The following SLC17A6 variants were observed in gnomAD, a reference collection of about 807,000 sequenced individuals.
SLC17A6 encodes the protein solute carrier family 17 member 6, also known as vesicular glutamate transporter 2.
SLC17A6 carries 35 observed loss-of-function variants against 67.1 expected under a neutral mutation model. The ratio of observed to expected loss-of-function variants is 0.52; its 90% confidence interval spans 0.40 to 0.69. The LOEUF is 0.69. SLC17A6 is among the 30% of genes least tolerant of loss of function. The pLI is 0.00. For missense variants in SLC17A6, 588 were observed against 723.9 expected (o/e 0.81, Z 2.15); for synonymous variants, 285 against 252.3 (o/e 1.13, Z -1.23).
chr11:22,344,565 A>C (rs1855854466), intron 3 of SLC17A6, among the ~76,000 whole-genome samples: 1 of 152,196 alleles, frequency 6.6e-6, no homozygotes, highest in African/African-American at 2.4e-5. Flanking sequence ...GGAGAGTGCC[A>C]TACATTAGGA....
At chr11:22,339,151 AGTTATATATATATGT>A (rs1474340398) in intron 1 of SLC17A6, among the ~76,000 whole-genome samples, 1 of 29,796 alleles carries the variant, frequency 3.4e-5, no homozygotes, top group African/African-American at 1.8e-4. Flanking sequence ...TGTTATATAT[AGTTATATATATATGT>A]TATATATATA....
chr11:22,358,881 G>T (rs1238461518), intron 3 of SLC17A6, among the ~76,000 whole-genome samples: 1 of 152,110 alleles, frequency 6.6e-6, no homozygotes, highest in Non-Finnish European at 1.5e-5. Context: ...TTTAAAATAC[G>T]AGTTCATTTA....
chr11:22,360,830 G>A, intron 4 of SLC17A6, 67 bp from the exon 5 acceptor site: 2 of 1,394,112 alleles, frequency 1.4e-6, no homozygotes, highest in Non-Finnish European at 2.0e-6. Flanking sequence ...GGGAGGATTT[G>A]TACAGGATAC....
At chr11:22,371,988 G>A (rs11026536) in intron 8 of SLC17A6, among the ~76,000 whole-genome samples, 29,514 of 151,656 alleles carry the variant, frequency 0.19, 2,987 homozygotes, top group East Asian at 0.24. Flanking sequence ...AATAATTATC[G>A]GCTTCAATTT....
chr11:22,353,458 AAGTAATGACAACTT>A (rs542845791), intron 3 of SLC17A6, among the ~76,000 whole-genome samples: 169 of 152,360 alleles, frequency 1.1e-3, no homozygotes, highest in Admixed American at 1.7e-3. Context: ...AAAAGAATTT[AAGTAATGACAACTT>A]GCTCAAAGTC....
At chr11:22,352,910 T>TTCAA (rs1216117070) in intron 3 of SLC17A6, among the ~76,000 whole-genome samples, 1 of 152,200 alleles carries the variant, frequency 6.6e-6, no homozygotes, top group African/African-American at 2.4e-5. Flanking sequence ...GCTGATGCAT[T>TTCAA]TCAATCAATT....
intron 3 of SLC17A6, among the ~76,000 whole-genome samples, chr11:22,354,570 CCATCTTTCAATAAAATTTT>C (rs1364391779): frequency 1.3e-5 from 2 of 152,166 alleles, no homozygotes; most frequent in Non-Finnish European, 2.9e-5. Context: ...CTACTACCAT[CCATCTTTCAATAAAATTTT>C]CATCTTTCAA....
At chr11:22,357,090 T>G (rs2133867575) in intron 3 of SLC17A6, among the ~76,000 whole-genome samples, 1 of 152,244 alleles carries the variant, frequency 6.6e-6, no homozygotes, top group South Asian at 2.1e-4. Context: ...ACTCATTGGG[T>G]TTTAAATAAA....
chr11:22,351,541 G>T (rs1855938984), intron 3 of SLC17A6, among the ~76,000 whole-genome samples: 1 of 152,114 alleles, frequency 6.6e-6, no homozygotes, highest in African/African-American at 2.4e-5. Context: ...ATGAGGCAGA[G>T]CTGGGTTATG....
Position 22,359,514 on chromosome 11 carries a change from AG to A in SLC17A6, c.563del (p.Gly188AspfsTer6). 1 of 1,593,016 alleles carries A rather than the reference AG, an allele frequency of 6.3e-7. No individual in the cohort carries two copies. The highest frequency in any genetic ancestry group is 8.6e-7 in the Non-Finnish European group (1 of 1,169,070). On this transcript the variant is annotated frameshift_variant, in exon 4 of 12. Coordinates refer to ENST00000263160, the MANE Select transcript of SLC17A6 (RefSeq NM_020346.3). LOFTEE classifies it high-confidence loss of function. Reference sequence around the variant, plus strand: ...TGTGTCATCTTTGTCAGAATACTGCAGGGACTTGTTGAGGTATGTAACTTCA... The same window carrying A: ...TGTGTCATCTTTGTCAGAATACTGCAGGACTTGTTGAGGTATGTAACTTCA... ...YGCVIFVRIL[Q>X]GLVEGVTYPA... is the part of the protein sequence containing the mutation.
chr11:22,377,697 T>C lies in SLC17A6; in HGVS notation c.1706T>C (p.Val569Ala). 1.9e-6 allele frequency: 3 copies of C among 1,608,354 alleles called. No homozygotes were observed. The highest frequency in any genetic ancestry group is 2.5e-6 in the Non-Finnish European group (3 of 1,177,922). The part of the protein sequence containing the change: ...EKKEEFVQGE[V>A]QDSHSYKDRV... ...AAAGAGGAATTTGTACAAGGAGAAG[T>C]ACAAGACTCACATAGCTATAAGGAC... The change falls in exon 12 of 12, where the codon GTA (valine) becomes GCA (alanine). Residue 569 changes from valine to alanine, a missense_variant. This residue lies in a region of SLC17A6 where 414 missense variants were observed against 563.4 expected (regional missense o/e 0.73). Transcript: ENST00000263160.
In SLC17A6 at chr11:22,343,268, C is replaced by T. The variant is rs752825858; in HGVS notation, c.361C>T (p.Pro121Ser). 1.8e-5 allele frequency: 29 copies of T among 1,613,644 alleles called. No homozygotes were observed. Among genetic ancestry groups the T allele is most frequent in the African/African-American group, 2.7e-5 (2 of 74,998 alleles). Residue 121 changes from proline to serine, a missense_variant, in exon 3 of 12, where the codon CCG becomes TCG. Physicochemically the swap from Pro to Ser is moderately conservative, Grantham distance 74. Transcript: ENST00000263160. ...ATAGAAAGCCAAATTCAACTGGGAC[C>T]CGGAAACCGTGGGGATGATCCACGG... is the stretch of plus-strand genomic sequence containing the variant. ...IKEKAKFNWDPETVGMIHGSF... is the reference protein window; with the variant it reads ...IKEKAKFNWDSETVGMIHGSF...
intron 3 of SLC17A6, among the ~76,000 whole-genome samples, chr11:22,351,354 C>T (rs992648112): frequency 3.3e-5 from 5 of 151,944 alleles, no homozygotes; most frequent in African/African-American, 1.2e-4. Context: ...ATAATTATAT[C>T]TAAGAGATAA....
chr11:22,339,157 A>ATATATATGTTTTT lies in SLC17A6; in HGVS notation c.86+548_86+549insTTTTATATATGTT, dbSNP rs1855780273. 3.9e-4 allele frequency among the ~76,000 whole-genome samples: 13 copies of ATATATATGTTTTT among 32,978 alleles called. 1 individual carries two copies. The highest frequency in any genetic ancestry group is 1.2e-3 in the Admixed American group (3 of 2,438). The allele number at this position is 32,978 out of a possible 152,430, so 21.6% of individuals were successfully genotyped here. On this transcript the variant is annotated intron_variant, in intron 1 of 11. Transcript: ENST00000263160. ...ATATATATATGTTATATATAGTTAT[A>ATATATATGTTTTT]TATATATGTTATATATATATGTTTT...
At chr11:22,350,296 A>G (rs1855923946) in intron 3 of SLC17A6, among the ~76,000 whole-genome samples, 1 of 152,176 alleles carries the variant, frequency 6.6e-6, no homozygotes, top group African/African-American at 2.4e-5. Flanking sequence ...GCCATTTAAG[A>G]ACATCAATGT....
intron 1 of SLC17A6, among the ~76,000 whole-genome samples, 193 bp downstream of exon 1, chr11:22,338,812 G>GGTGTGTGT (rs3047441): frequency 0.028 from 3,850 of 136,272 alleles, 176 homozygotes; most frequent in African/African-American, 0.098. Context: ...GAACCTGTCT[G>GGTGTGTGT]GTGTGTGTGT....
At chr11:22,353,399 A>T (rs906421033) in intron 3 of SLC17A6, among the ~76,000 whole-genome samples, 1 of 152,216 alleles carries the variant, frequency 6.6e-6, no homozygotes, top group Non-Finnish European at 1.5e-5. Context: ...AACTAATACT[A>T]TATCATACTA....
rs1590377860 is a variant in SLC17A6, at chr11:22,343,421, G to T, written c.458+56G>T. On this transcript the variant is annotated intron_variant, in intron 3 of 11. Coordinates refer to ENST00000263160, the MANE Select transcript of SLC17A6 (RefSeq NM_020346.3). ...GCGTGGTGTTTGTTTCCTCCGAAGGGGCAGCAGAAGCTGGAGCAGAGACAA... is the reference window on the plus strand; with the variant it reads ...GCGTGGTGTTTGTTTCCTCCGAAGGTGCAGCAGAAGCTGGAGCAGAGACAA... 1.5e-5 allele frequency: 22 copies of T among 1,454,656 alleles called. No individual in the cohort carries two copies. The East Asian group carries it at 5.0e-4, about 33-fold the overall frequency. The allele number at this position is 1,454,656 out of a possible 1,614,324, so 90.1% of individuals were successfully genotyped here.
chr11:22,341,549 C>A lies in SLC17A6; in HGVS notation c.108C>A (p.Asp36Glu), dbSNP rs1278850761. The stretch of plus-strand genomic sequence containing the variant: ...GCAGGGTGCTGGAGAAGAAGCAAGA[C>A]ACCGGGGAGACAATCGAGCTGACGG... ...QIYRVLEKKQDTGETIELTED... is the reference protein window; with the variant it reads ...QIYRVLEKKQETGETIELTED... The change falls in exon 2 of 12, where the codon GAC (aspartate) becomes GAA (glutamate). Residue 36 changes from aspartate (D) to glutamate (E), a missense_variant. Asp to Glu is a conservative substitution (Grantham distance 45). Around this residue, in one of 4 missense-constraint regions of SLC17A6, gnomAD observed 117 missense variants for 98.7 expected, o/e 1.19. Coordinates refer to ENST00000263160, the MANE Select transcript of SLC17A6 (RefSeq NM_020346.3). 2 of 1,613,912 alleles carry A rather than the reference C, an allele frequency of 1.2e-6. No homozygotes were observed. The highest frequency in any genetic ancestry group is 3.3e-5 in the Admixed American group (2 of 60,026).
Sources: allele counts gnomAD v4.1 joint callset (sites outside exome capture counted in the v4.1 genomes callset), GRCh38; gene constraint gnomAD v4.1.1; regional missense constraint gnomAD v4.1.1; transcripts MANE v1.5; gene names NCBI Gene and HGNC (gene_info 2026-07-23, HGNC 2026-07-21).